The following NELL2 variants were observed in gnomAD, a reference collection of about 807,000 sequenced individuals.
NELL2 encodes neural EGFL like 2, also known as protein kinase C-binding protein NELL2.
NELL2 carries 41 observed loss-of-function variants against 109.6 expected under a neutral mutation model. That is an observed-to-expected ratio of 0.37 (90% CI 0.29 to 0.49). The LOEUF (loss-of-function observed/expected upper bound fraction) is 0.49, where lower values mean the gene tolerates loss of function less well. NELL2 is among the 20% of genes least tolerant of loss of function. NELL2 has a pLI of 0.98. For synonymous variants in NELL2, 355 were observed against 344.7 expected (o/e 1.03, Z -0.33); for missense variants, 900 against 1,008.3 (o/e 0.89, Z 1.45).
chr12:44,837,326 A>T (rs192342346), intron 2 of NELL2, among the ~76,000 whole-genome samples: 1 of 152,330 alleles, frequency 6.6e-6, no homozygotes, highest in Non-Finnish European at 1.5e-5. Flanking sequence ...GATGTTTAGC[A>T]GCACCTATGT....
chr12:44,635,451 C>T lies in NELL2; in HGVS notation c.1445-24481G>A, dbSNP rs1241563561. 3.3e-5 allele frequency among the ~76,000 whole-genome samples: 5 copies of T among 151,810 alleles called. No individual in the cohort carries two copies. In the South Asian group the frequency reaches 8.3e-4, roughly 25 times the overall value. On this transcript the variant is annotated intron_variant, in intron 13 of 19. Coordinates refer to ENST00000429094, the MANE Select transcript of NELL2 (RefSeq NM_001145108.2). ...TAAGTCTTTAATGCATCTTGAGTAA[C>T]TCTTTTTTATAAGCTGTAAGGAAGG...
chr12:44,880,287 G>T (rs1277055881), upstream of NELL2, among the ~76,000 whole-genome samples: 1 of 151,946 alleles, frequency 6.6e-6, no homozygotes, highest in Non-Finnish European at 1.5e-5. Context: ...TGACAGAATT[G>T]TATGAGAAAA....
intron 2 of NELL2, among the ~76,000 whole-genome samples, chr12:44,826,340 CA>C (rs1289003533): frequency 6.6e-6 from 1 of 152,058 alleles, no homozygotes; most frequent in Admixed American, 6.6e-5. Flanking sequence ...ATGAGATTAT[CA>C]TTTTTTTTCA....
chr12:44,641,654 GTATT>G (rs1227805253), intron 13 of NELL2, among the ~76,000 whole-genome samples: 1 of 146,542 alleles, frequency 6.8e-6, no homozygotes, highest in Non-Finnish European at 1.5e-5. Flanking sequence ...CTGAGTTTTG[GTATT>G]TAAACTCGTG....
intron 2 of NELL2, among the ~76,000 whole-genome samples, chr12:44,827,279 C>T (rs1437609881): frequency 6.6e-6 from 1 of 152,088 alleles, no homozygotes; most frequent in African/African-American, 2.4e-5. Flanking sequence ...TCACCTCAAG[C>T]ACTTATCCTT....
intron 2 of NELL2, among the ~76,000 whole-genome samples, chr12:44,861,681 A>T (rs11833874): frequency 0.15 from 22,144 of 152,042 alleles, 1,815 homozygotes; most frequent in East Asian, 0.23. Flanking sequence ...CCATTCCATC[A>T]CCAGGGCAGC....
At chr12:44,555,237 G>A (rs1943204020) in intron 15 of NELL2, among the ~76,000 whole-genome samples, 1 of 152,084 alleles carries the variant, frequency 6.6e-6, no homozygotes, top group Non-Finnish European at 1.5e-5. Context: ...AGGGCTGGAA[G>A]GTCAGATTCA....
intron 13 of NELL2, among the ~76,000 whole-genome samples, chr12:44,648,449 A>C (rs575270893): frequency 6.6e-6 from 1 of 152,214 alleles, no homozygotes; most frequent in Non-Finnish European, 1.5e-5. Context: ...GAGGACACAG[A>C]AGCTGTAAAA....
chr12:44,740,379 A>T (rs986025814), intron 9 of NELL2, among the ~76,000 whole-genome samples: 1 of 152,176 alleles, frequency 6.6e-6, no homozygotes, highest in African/African-American at 2.4e-5. Context: ...AAGCAAAGAG[A>T]AGCAGAGGTA....
intron 9 of NELL2, chr12:44,774,514 A>T (rs536883029): frequency 2.2e-6 from 1 of 447,822 alleles, no homozygotes; most frequent in Non-Finnish European, 4.0e-6. Context: ...TCCTACTACT[A>T]TCACTATATG....
intron 2 of NELL2, among the ~76,000 whole-genome samples, chr12:44,860,566 C>T (rs1214174990): frequency 2.0e-5 from 3 of 152,106 alleles, no homozygotes; most frequent in African/African-American, 4.8e-5. Context: ...TGACTCATGG[C>T]CACCTTCCAA....
In NELL2 at chr12:44,688,714, C is replaced by T. The variant is rs117713355; in HGVS notation, c.1318+15012G>A. ...ATCCATACAAATCCTTTACATTCAT[C>T]TGCGTGTTAAATCTCCAAATTTGGC... On this transcript the variant is annotated intron_variant, in intron 12 of 19. Coordinates refer to ENST00000429094, the MANE Select transcript of NELL2 (RefSeq NM_001145108.2). 9.8e-5 allele frequency among the ~76,000 whole-genome samples: 15 copies of T among 152,294 alleles called. No individual in the cohort carries two copies. The East Asian group carries it at 1.9e-3, about 20-fold the overall frequency.
chr12:44,714,867 AC>A, intron 9 of NELL2, 126 bp from the exon 10 acceptor site: 1 of 477,210 alleles, frequency 2.1e-6, no homozygotes, highest in Non-Finnish European at 3.7e-6. Flanking sequence ...CTAACCAGAA[AC>A]CTCAATTCAA....
At chr12:44,720,360 C>T (rs1464802862) in intron 9 of NELL2, among the ~76,000 whole-genome samples, 1 of 152,114 alleles carries the variant, frequency 6.6e-6, no homozygotes. Flanking sequence ...AATAAGTGAA[C>T]TGAAACCTCA....
At chr12:44,858,334 T>C (rs1276993798) in intron 2 of NELL2, among the ~76,000 whole-genome samples, 2 of 152,212 alleles carry the variant, frequency 1.3e-5, no homozygotes, top group African/African-American at 4.8e-5. Context: ...GAATACAATG[T>C]GACCTTTCAG....
intron 15 of NELL2, among the ~76,000 whole-genome samples, chr12:44,596,762 A>G (rs895970596): frequency 1.8e-4 from 27 of 152,170 alleles, no homozygotes; most frequent in Non-Finnish European, 3.1e-4. Flanking sequence ...CCATTTTAAA[A>G]CAAGGAAATT....
chr12:44,846,287 C>A (rs1190375978), intron 2 of NELL2, among the ~76,000 whole-genome samples: 1 of 152,170 alleles, frequency 6.6e-6, no homozygotes, highest in African/African-American at 2.4e-5. Flanking sequence ...TAATGATGCA[C>A]TTACAATAAG....
At chr12:44,620,832 A>G (rs1163671294) in intron 13 of NELL2, among the ~76,000 whole-genome samples, 1 of 152,152 alleles carries the variant, frequency 6.6e-6, no homozygotes, top group Non-Finnish European at 1.5e-5. Flanking sequence ...TTAGTGCAAT[A>G]GCCTCATAAT....
Position 44,591,625 on chromosome 12 carries a change from G to C in NELL2, c.1663+15544C>G, listed in dbSNP as rs575815056. On this transcript the variant is annotated intron_variant, in intron 15 of 19. Transcript: ENST00000429094. Reference sequence around the variant, plus strand: ...GTTACTAGAAGACAGAAAGGAGCGGGGATAGAAAGAGGTTGTTTAAAGGAT... The same window carrying C: ...GTTACTAGAAGACAGAAAGGAGCGGCGATAGAAAGAGGTTGTTTAAAGGAT... Among the ~76,000 whole-genome samples the C allele has an allele frequency of 2.0e-5, 3 of 152,206 alleles. No homozygotes were observed. The South Asian group carries it at 6.2e-4, about 32-fold the overall frequency.
Sources: gnomAD v4.1 joint callset for allele counts (sites outside exome capture counted in the v4.1 genomes callset) on GRCh38, gnomAD v4.1.1 for gene constraint, MANE v1.5 for transcripts, NCBI Gene and HGNC (gene_info 2026-07-23, HGNC 2026-07-21) for gene names.